The following KCNJ16 variants were observed in gnomAD, a reference collection of about 807,000 sequenced individuals.
The protein encoded by KCNJ16 is potassium inwardly rectifying channel subfamily J member 16, also known as inward rectifier potassium channel 16.
Under a neutral mutation model 18.5 loss-of-function variants are expected in KCNJ16, and 15 were observed. The ratio of observed to expected loss-of-function variants is 0.81; its 90% confidence interval spans 0.54 to 1.25. The LOEUF (loss-of-function observed/expected upper bound fraction) is 1.25, where lower values mean the gene tolerates loss of function less well. Ranked by LOEUF, KCNJ16 falls within the 50% of genes most tolerant of loss-of-function variation. The probability of loss-of-function intolerance (pLI) is 0.00; values close to 1 mark genes in which losing one functional copy is unlikely to be tolerated. For missense variants in KCNJ16, 523 were observed against 525.7 expected (o/e 0.99, Z 0.05); for synonymous variants, 174 against 186.5 (o/e 0.93, Z 0.55).
At chr17:70,091,398 C>A (rs188279504) in intron 1 of KCNJ16, among the ~76,000 whole-genome samples, 1 of 152,198 alleles carries the variant, frequency 6.6e-6, no homozygotes, top group Admixed American at 6.5e-5. Context: ...AATTTGCTAA[C>A]AACCAGCTAC....
At chr17:70,096,089 T>C (rs2072358606) in intron 1 of KCNJ16, among the ~76,000 whole-genome samples, 1 of 152,004 alleles carries the variant, frequency 6.6e-6, no homozygotes, top group South Asian at 2.1e-4. Context: ...TTCGCTGTGT[T>C]AGCCAGGATG....
intron 2 of KCNJ16, among the ~76,000 whole-genome samples, chr17:70,124,204 T>C (rs2073765016): frequency 6.6e-6 from 1 of 152,228 alleles, no homozygotes; most frequent in Admixed American, 6.5e-5. Context: ...CCAAACCTTC[T>C]TGGATGGCCC....
At chr17:70,095,717 A>G (rs2072328022) in intron 1 of KCNJ16, among the ~76,000 whole-genome samples, 1 of 152,028 alleles carries the variant, frequency 6.6e-6, no homozygotes, top group Admixed American at 6.6e-5. Flanking sequence ...TTAAATGGCA[A>G]GATTAGCCCT....
At chr17:70,126,379 C>G (rs1162148192) in intron 2 of KCNJ16, among the ~76,000 whole-genome samples, 1 of 152,142 alleles carries the variant, frequency 6.6e-6, no homozygotes, top group Non-Finnish European at 1.5e-5. Flanking sequence ...TCATTTTACC[C>G]AGCTCCTACT....
At chr17:70,086,319 A>C (rs1211627644) in intron 1 of KCNJ16, among the ~76,000 whole-genome samples, 1 of 152,156 alleles carries the variant, frequency 6.6e-6, no homozygotes, top group African/African-American at 2.4e-5. Flanking sequence ...TGCATAGTAA[A>C]TTCTGTATTT....
chr17:70,133,879 G>A lies in KCNJ16; in HGVS notation c.*535G>A, dbSNP rs765317058. The A allele has an allele frequency of 3.6e-4, 60 of 167,814 alleles. No individual in the cohort carries two copies. The highest frequency in any genetic ancestry group is 7.2e-4 in the African/African-American group (30 of 41,574). The allele number at this position is 167,814 out of a possible 1,614,324, so 10.4% of individuals were successfully genotyped here. On this transcript the variant is annotated 3_prime_UTR_variant, in exon 4 of 4. Transcript: ENST00000392671. ...AGTCACTAGGTTTGCCACTTGGACC[G>A]TCTTGGTTTCAGCGAGCATAGCGAG... is the stretch of plus-strand genomic sequence containing the variant.
intron 1 of KCNJ16, among the ~76,000 whole-genome samples, chr17:70,078,192 C>T (rs1037996894): frequency 6.6e-6 from 1 of 152,130 alleles, no homozygotes; most frequent in African/African-American, 2.4e-5. Context: ...CTAATAGAGG[C>T]TTCTCACTAT....
chr17:70,090,345 T>A (rs937861788), intron 1 of KCNJ16, among the ~76,000 whole-genome samples: 1 of 152,182 alleles, frequency 6.6e-6, no homozygotes, highest in African/African-American at 2.4e-5. Flanking sequence ...AGAAAACAGA[T>A]CACCTTTGTT....
chr17:70,111,746 G>A (rs1363414531), intron 2 of KCNJ16, among the ~76,000 whole-genome samples: 1 of 152,008 alleles, frequency 6.6e-6, no homozygotes, highest in Non-Finnish European at 1.5e-5. Flanking sequence ...TCCCATGGTA[G>A]TAAGTCTCAC....
At chr17:70,129,720 A>G (rs2073989957) in intron 2 of KCNJ16, among the ~76,000 whole-genome samples, 1 of 152,108 alleles carries the variant, frequency 6.6e-6, no homozygotes, top group Non-Finnish European at 1.5e-5. Context: ...GTACCTCTCA[A>G]ATTGTTACAT....
chr17:70,103,698 G>C (rs935271673), intron 2 of KCNJ16, among the ~76,000 whole-genome samples: 1 of 151,920 alleles, frequency 6.6e-6, no homozygotes. Flanking sequence ...TATGTACACT[G>C]ATAACTTCCA....
At chr17:70,106,678 G>C (rs2072943095) in intron 2 of KCNJ16, among the ~76,000 whole-genome samples, 1 of 152,112 alleles carries the variant, frequency 6.6e-6, no homozygotes, top group Non-Finnish European at 1.5e-5. Flanking sequence ...ATGGTTTTCT[G>C]ACCTGCAATA....
chr17:70,112,257 C>A (rs1391375219), intron 2 of KCNJ16, among the ~76,000 whole-genome samples: 2 of 152,132 alleles, frequency 1.3e-5, no homozygotes, highest in Non-Finnish European at 2.9e-5. Context: ...GACAAATATT[C>A]CTTCAGCCTA....
At chr17:70,113,867 C>T (rs2073292773) in intron 2 of KCNJ16, among the ~76,000 whole-genome samples, 1 of 152,046 alleles carries the variant, frequency 6.6e-6, no homozygotes, top group South Asian at 2.1e-4. Flanking sequence ...AAGATTCTAT[C>T]AAATACACTA....
At chr17:70,119,161 C>G (rs1030487730) in intron 2 of KCNJ16, among the ~76,000 whole-genome samples, 1 of 152,242 alleles carries the variant, frequency 6.6e-6, no homozygotes. Context: ...ATCCAGAGCA[C>G]GCTGGTGCAA....
Position 70,132,763 on chromosome 17 carries a change from G to T in KCNJ16, c.676G>T (p.Asp226Tyr). 6.2e-7 allele frequency: 1 copy of T among 1,614,030 alleles called. No homozygotes were observed. The highest frequency in any genetic ancestry group is 8.5e-7 in the Non-Finnish European group (1 of 1,180,044). ...AGCCCAACTTCTCCGCTATACAGAA[G>T]ACAGTGAAGGGAGGATGACGATGGC... ...VRAQLLRYTE[D>Y]SEGRMTMAFK... The change falls in exon 4 of 4, where the codon GAC becomes TAC. Residue 226 changes from aspartate to tyrosine, a missense_variant. Physicochemically the swap from Asp to Tyr is radical, Grantham distance 160 (BLOSUM62 -3). Coordinates refer to ENST00000392671, the MANE Select transcript of KCNJ16 (RefSeq NM_170741.4).
intron 1 of KCNJ16, among the ~76,000 whole-genome samples, chr17:70,095,946 T>G (rs2072349995): frequency 7.0e-6 from 1 of 143,044 alleles, no homozygotes; most frequent in East Asian, 2.3e-4. Context: ...GCAGTGGCAC[T>G]ATCTCGGCTC....
At chr17:70,086,884 A>G (rs998862475) in intron 1 of KCNJ16, among the ~76,000 whole-genome samples, 18 of 151,990 alleles carry the variant, frequency 1.2e-4, no homozygotes, top group African/African-American at 4.3e-4. Context: ...TTTTACATCA[A>G]TTGTCACATT....
rs558305988 is a variant in KCNJ16 at position 70,075,966 on chromosome 17, GCT to G, written c.-300+577_-300+578del. Among the ~76,000 whole-genome samples, 24 of 28,784 alleles carry G rather than the reference GCT, an allele frequency of 8.3e-4. No homozygotes were observed. The South Asian group carries it at 0.012, about 14-fold the overall frequency. 18.9% of individuals were successfully genotyped at this position (28,784 alleles called of 152,430 possible). On this transcript the variant is annotated intron_variant, in intron 1 of 3. Coordinates refer to ENST00000392671, the MANE Select transcript of KCNJ16 (RefSeq NM_170741.4). ...TTGTTTTCACCTTAATCCCTCTAAA[GCT>G]TTTTTTTTTTTCTTATCATTTAAAA...
Sources: allele counts gnomAD v4.1 joint callset (sites outside exome capture counted in the v4.1 genomes callset), GRCh38; gene constraint gnomAD v4.1.1; transcripts MANE v1.5; gene names NCBI Gene and HGNC (gene_info 2026-07-23, HGNC 2026-07-21).